The following CLDN14 variants were observed in gnomAD, a reference collection of about 807,000 sequenced individuals.
CLDN14 encodes claudin-14.
In CLDN14, 2 loss-of-function variants were observed where a neutral mutation model predicts 2.1. The observed-to-expected ratio is 0.96, with a 90% confidence interval of 0.39 to 3.01. The LOEUF (loss-of-function observed/expected upper bound fraction) is 3.01, where lower values mean the gene tolerates loss of function less well. Among genes scored for constraint, CLDN14 ranks in the 30% most tolerant of loss-of-function variants. The pLI is 0.09. For missense variants in CLDN14, 298 were observed against 328.0 expected (o/e 0.91, Z 0.71); for synonymous variants, 136 against 154.4 (o/e 0.88, Z 0.88).
At chr21:36,531,670 G>C (rs1344381183) in intron 1 of CLDN14, among the ~76,000 whole-genome samples, 1 of 151,062 alleles carries the variant, frequency 6.6e-6, no homozygotes, top group Non-Finnish European at 1.5e-5. Context: ...AGGAGTGTCA[G>C]AGTGGACTTC....
At chr21:36,563,624 AT>A (rs796901358) in intron 1 of CLDN14, among the ~76,000 whole-genome samples, 5 of 152,274 alleles carry the variant, frequency 3.3e-5, no homozygotes, top group African/African-American at 1.2e-4. Context: ...TTAAAGAGGA[AT>A]TTTTCCCCTT....
At chr21:36,548,871 C>T (rs1385327407) in intron 1 of CLDN14, among the ~76,000 whole-genome samples, 1 of 152,194 alleles carries the variant, frequency 6.6e-6, no homozygotes, top group Non-Finnish European at 1.5e-5. Context: ...AAAGCAAGGC[C>T]TTCCCTGACT....
At chr21:36,508,190 T>C (rs1415448101) in intron 2 of CLDN14, among the ~76,000 whole-genome samples, 4 of 152,214 alleles carry the variant, frequency 2.6e-5, no homozygotes, top group Admixed American at 2.6e-4. Flanking sequence ...TCTTCCTTTC[T>C]GCCACTCATT....
At chr21:36,545,601 T>A (rs2087521113) in intron 1 of CLDN14, among the ~76,000 whole-genome samples, 1 of 152,220 alleles carries the variant, frequency 6.6e-6, no homozygotes, top group Non-Finnish European at 1.5e-5. Flanking sequence ...AGCCTCATTT[T>A]TTTTCCTTGA....
rs1601588907 is a variant in CLDN14 at position 36,461,706 on chromosome 21, C to G, written c.-11G>C. The G allele has an allele frequency of 6.5e-7, 1 of 1,548,152 alleles. No individual in the cohort carries two copies. The highest frequency in any genetic ancestry group is 8.7e-7 in the Non-Finnish European group (1 of 1,146,818). On this transcript the variant is annotated 5_prime_UTR_variant, in exon 2 of 2. Coordinates refer to ENST00000399135, the MANE Select transcript of CLDN14 (RefSeq NM_001146079.2). ...GGCCGTGCTGGCCATGGTGCGGCTG[C>G]CTGCCTAGGCCAGCCGGGCAGCTCC...
At chr21:36,532,323 C>T (rs2087387294) in intron 1 of CLDN14, 1 of 151,878 alleles carries the variant, frequency 6.6e-6, no homozygotes, top group African/African-American at 2.4e-5. Context: ...AAGACTTTCA[C>T]CCATGCGGTT....
chr21:36,535,604 C>T (rs1290524613), intron 1 of CLDN14, among the ~76,000 whole-genome samples: 1 of 152,062 alleles, frequency 6.6e-6, no homozygotes, highest in Non-Finnish European at 1.5e-5. Context: ...ATCTAAATGA[C>T]ATGTATAGTC....
intron 1 of CLDN14, among the ~76,000 whole-genome samples, chr21:36,476,036 G>A (rs170183): frequency 0.4 from 60,720 of 151,950 alleles, 14,695 homozygotes; most frequent in Non-Finnish European, 0.54. Flanking sequence ...TTAACAGAGA[G>A]TCATAGTTCA....
intron 1 of CLDN14, among the ~76,000 whole-genome samples, chr21:36,569,147 G>T (rs547472660): frequency 6.6e-6 from 1 of 152,232 alleles, no homozygotes; most frequent in African/African-American, 2.4e-5. Flanking sequence ...GGGTGGGGGC[G>T]TGGCTCACGC....
chr21:36,568,047 G>C (rs2087685237), intron 1 of CLDN14, among the ~76,000 whole-genome samples: 1 of 152,150 alleles, frequency 6.6e-6, no homozygotes, highest in East Asian at 1.9e-4. Flanking sequence ...AAGGCAACCG[G>C]GAATGGTTCG....
At chr21:36,531,983 G>A (rs375133481) in intron 1 of CLDN14, 1 of 152,160 alleles carries the variant, frequency 6.6e-6, no homozygotes, top group African/African-American at 2.4e-5. Context: ...GCAGGAAGAT[G>A]TACGTGAAAT....
chr21:36,503,976 A>G (rs994430629), intron 2 of CLDN14, among the ~76,000 whole-genome samples: 1 of 149,450 alleles, frequency 6.7e-6, no homozygotes, highest in African/African-American at 2.5e-5. Flanking sequence ...AAGATGTAGT[A>G]TCACTGATAA....
chr21:36,517,847 C>G (rs147027778), intron 1 of CLDN14, among the ~76,000 whole-genome samples: 1 of 152,218 alleles, frequency 6.6e-6, no homozygotes, highest in East Asian at 1.9e-4. Context: ...AAGCAGATGG[C>G]GCTCCCTAAT....
chr21:36,534,798 A>G (rs570819822), intron 1 of CLDN14, among the ~76,000 whole-genome samples: 1 of 152,152 alleles, frequency 6.6e-6, no homozygotes, highest in Non-Finnish European at 1.5e-5. Context: ...TGTCAGTCTC[A>G]GGCTGTGTAA....
Position 36,561,570 on chromosome 21 carries a change from C to A in CLDN14, c.-220+14841G>T, listed in dbSNP as rs112984874. Among the ~76,000 whole-genome samples the A allele has an allele frequency of 4.0e-3, 603 of 152,256 alleles. 7 individuals are homozygous for A. The highest frequency in any genetic ancestry group is 0.013 in the African/African-American group (554 of 41,544). On this transcript the variant is annotated intron_variant, in intron 1 of 2. Transcript: ENST00000342108. ...TTTAGAGCCACTAGACCCTCTCTGC[C>A]ACACGCAGCTCTTCCACTCTCTTGG... is the stretch of plus-strand genomic sequence containing the variant.
At chr21:36,524,546 A>C (rs2087308495) in intron 1 of CLDN14, among the ~76,000 whole-genome samples, 1 of 152,230 alleles carries the variant, frequency 6.6e-6, no homozygotes, top group Non-Finnish European at 1.5e-5. Context: ...CAAGTGAGGC[A>C]GATACCGACC....
rs143000137 is a variant in CLDN14, at chr21:36,499,698, C to T, written c.-82+10665G>A. Among the ~76,000 whole-genome samples the T allele has an allele frequency of 5.9e-5, 9 of 152,280 alleles. No homozygotes were observed. Among genetic ancestry groups the T allele is most frequent in the Non-Finnish European group, 1.0e-4 (7 of 68,016 alleles). On this transcript the variant is annotated intron_variant, in intron 2 of 2. Transcript: ENST00000342108. The surrounding 1 kb of genome is among the most constrained non-coding windows in gnomAD (Gnocchi z 4.7). ...ATGTTGAGATTCACTGATTTAGACA[C>T]GCAGACAATAAATACTGATTCTTGG...
chr21:36,532,452 G>C (rs1452256717), intron 1 of CLDN14: 2 of 152,148 alleles, frequency 1.3e-5, no homozygotes, highest in East Asian at 1.9e-4. Flanking sequence ...GTTGTGGGGT[G>C]GGGGGAGTGG....
At chr21:36,489,137 T>A (rs866239186) in intron 2 of CLDN14, among the ~76,000 whole-genome samples, 4,174 of 102,632 alleles carry the variant, frequency 0.041, 248 homozygotes, top group East Asian at 0.28. Context: ...AAAAAATATA[T>A]ATATATATAT....
Sources: gnomAD v4.1 joint callset for allele counts (sites outside exome capture counted in the v4.1 genomes callset) on GRCh38, gnomAD v4.1.1 for gene constraint, Gnocchi (gnomAD v3.1) non-coding constraint, MANE v1.5 for transcripts, NCBI Gene and HGNC (gene_info 2026-07-23, HGNC 2026-07-21) for gene names.